The following MNAT1 variants were observed in gnomAD, a reference collection of about 807,000 sequenced individuals.
The protein encoded by MNAT1 is CDK-activating kinase assembly factor MAT1.
MNAT1 carries 43 observed loss-of-function variants against 42.0 expected under a neutral mutation model. The observed-to-expected ratio is 1.02, with a 90% CI of 0.80 to 1.32. The LOEUF is 1.32. Ranked by LOEUF, MNAT1 falls within the 40% of genes most tolerant of loss-of-function variation. MNAT1 has a pLI of 0.00. For synonymous variants in MNAT1, 118 were observed against 120.0 expected (o/e 0.98, Z 0.11); for missense variants, 306 against 350.4 (o/e 0.87, Z 1.01).
At chr14:60,873,410 T>G (rs548929878) in intron 6 of MNAT1, among the ~76,000 whole-genome samples, 1 of 152,262 alleles carries the variant, frequency 6.6e-6, no homozygotes, top group East Asian at 1.9e-4. Flanking sequence ...AGATAAATAA[T>G]TTCATCACCT....
At chr14:60,912,731 T>C (rs191908898) in intron 7 of MNAT1, among the ~76,000 whole-genome samples, 33 of 152,342 alleles carry the variant, frequency 2.2e-4, no homozygotes, top group African/African-American at 6.5e-4. Flanking sequence ...TTGGGTAACC[T>C]GACCTTTCTC....
chr14:60,864,193 A>T (rs2034157089), intron 6 of MNAT1, among the ~76,000 whole-genome samples: 1 of 152,074 alleles, frequency 6.6e-6, no homozygotes, highest in African/African-American at 2.4e-5. Context: ...GAACTAGAGT[A>T]GCTTTCATTT....
At chr14:60,909,126 G>C (rs2035284977) in intron 7 of MNAT1, among the ~76,000 whole-genome samples, 1 of 152,180 alleles carries the variant, frequency 6.6e-6, no homozygotes, top group Non-Finnish European at 1.5e-5. Flanking sequence ...CTCTTCTTTT[G>C]AGAAGTGTGT....
chr14:60,958,799 G>A (rs931378125), intron 7 of MNAT1, among the ~76,000 whole-genome samples: 1 of 151,750 alleles, frequency 6.6e-6, no homozygotes, highest in African/African-American at 2.4e-5. Context: ...ACCACGCCTG[G>A]CTAATTTCTT....
chr14:60,835,799 G>A (rs550910900), intron 6 of MNAT1, among the ~76,000 whole-genome samples: 20 of 152,162 alleles, frequency 1.3e-4, no homozygotes, highest in Non-Finnish European at 1.8e-4. Context: ...GGTTGGGGAA[G>A]TTCTCCTGAA....
chr14:60,743,284 C>T (rs1896524464), intron 1 of MNAT1, among the ~76,000 whole-genome samples: 1 of 150,074 alleles, frequency 6.7e-6, no homozygotes, highest in Non-Finnish European at 1.5e-5. Context: ...AAAGAACATT[C>T]TTTAGCATTT....
At chr14:60,779,701 G>A (rs539541097) in intron 1 of MNAT1, among the ~76,000 whole-genome samples, 147 of 151,896 alleles carry the variant, frequency 9.7e-4, no homozygotes, top group African/African-American at 3.0e-3. Context: ...CAGGGGAATC[G>A]CTTGAACCCG....
chr14:60,929,170 A>AATATATATATATATAT (rs57354716), intron 7 of MNAT1, among the ~76,000 whole-genome samples: 6 of 47,460 alleles, frequency 1.3e-4, no homozygotes, highest in African/African-American at 5.9e-4. Context: ...AAAAAAAAAA[A>AATATATATATATATAT]ATATATATAT....
At chr14:60,855,539 C>G (rs1003108509) in intron 6 of MNAT1, among the ~76,000 whole-genome samples, 13 of 152,090 alleles carry the variant, frequency 8.5e-5, no homozygotes, top group African/African-American at 3.1e-4. Context: ...CTCACAGCTT[C>G]CCTTGGCTGC....
chr14:60,930,110 T>A (rs1306008311), intron 7 of MNAT1, among the ~76,000 whole-genome samples: 3 of 151,918 alleles, frequency 2.0e-5, no homozygotes, highest in South Asian at 4.2e-4. Flanking sequence ...TTAGTTTTAG[T>A]TGTGTTACAA....
chr14:60,846,076 C>G (rs1393612251), intron 6 of MNAT1, among the ~76,000 whole-genome samples: 1 of 151,976 alleles, frequency 6.6e-6, no homozygotes, highest in Non-Finnish European at 1.5e-5. Context: ...TTCACACTTC[C>G]TTTTTCTATC....
chr14:60,813,690 A>G (rs1465960934), intron 5 of MNAT1, among the ~76,000 whole-genome samples: 1 of 152,220 alleles, frequency 6.6e-6, no homozygotes, highest in Non-Finnish European at 1.5e-5. Flanking sequence ...AGAATTTGGC[A>G]TAATATAAAT....
intron 6 of MNAT1, among the ~76,000 whole-genome samples, chr14:60,843,502 C>T: frequency 6.6e-6 from 1 of 152,012 alleles, no homozygotes; most frequent in East Asian, 1.9e-4. Context: ...AATCTCCTGA[C>T]CTCGTGATCC....
intron 7 of MNAT1, among the ~76,000 whole-genome samples, chr14:60,911,784 G>C (rs184303919): frequency 6.6e-6 from 1 of 152,118 alleles, no homozygotes; most frequent in African/African-American, 2.4e-5. Flanking sequence ...GTGCTGAAAA[G>C]AATGTATATT....
intron 6 of MNAT1, among the ~76,000 whole-genome samples, chr14:60,826,758 T>C (rs1024295097): frequency 3.9e-5 from 6 of 152,238 alleles, no homozygotes; most frequent in African/African-American, 1.4e-4. Flanking sequence ...AATATAATTA[T>C]GCAGCCTTCT....
At chr14:60,955,109 T>C (rs1233712608) in intron 7 of MNAT1, among the ~76,000 whole-genome samples, 1 of 152,206 alleles carries the variant, frequency 6.6e-6, no homozygotes, top group Non-Finnish European at 1.5e-5. Context: ...TTTGGTTTGC[T>C]AATATTTTGT....
intron 7 of MNAT1, among the ~76,000 whole-genome samples, chr14:60,909,840 GT>G (rs1159271363): frequency 6.6e-6 from 1 of 151,806 alleles, no homozygotes; most frequent in Non-Finnish European, 1.5e-5. Flanking sequence ...CTTTAAAGTA[GT>G]TTTTTCCAAT....
chr14:60,951,573 A>G lies in MNAT1; in HGVS notation c.810-16656A>G, dbSNP rs1004227149. On this transcript the variant is annotated intron_variant, in intron 7 of 7. Coordinates refer to ENST00000261245, the MANE Select transcript of MNAT1 (RefSeq NM_002431.4). ...CCAAGATTCCTGTTTGATTCTTTCA[A>G]AAAAGAAAATGCCTATTCTTTTCAT... Among the ~76,000 whole-genome samples, 5 of 152,180 alleles carry G rather than the reference A, an allele frequency of 3.3e-5. No homozygotes were observed. In the South Asian group the frequency reaches 8.3e-4, roughly 25 times the overall value.
chr14:60,865,136 CTTAAA>C (rs2034176229), intron 6 of MNAT1, among the ~76,000 whole-genome samples: 1 of 151,984 alleles, frequency 6.6e-6, no homozygotes, highest in Admixed American at 6.6e-5. Context: ...AATGTGGTCT[CTTAAA>C]TTATTCAGTC....
Sources: allele counts gnomAD v4.1 joint callset (sites outside exome capture counted in the v4.1 genomes callset), GRCh38; gene constraint gnomAD v4.1.1; transcripts MANE v1.5; gene names NCBI Gene and HGNC (gene_info 2026-07-23, HGNC 2026-07-21).